DACH2: variants seen among roughly 807,000 people sequenced by gnomAD.
The protein encoded by DACH2 is dachshund homolog 2.
Under a neutral mutation model 35.8 loss-of-function variants are expected in DACH2, and 17 were observed. The observed-to-expected ratio is 0.48, with a 90% CI of 0.33 to 0.71. The LOEUF (loss-of-function observed/expected upper bound fraction) is 0.71, where lower values mean the gene tolerates loss of function less well. Among genes scored for constraint, DACH2 ranks in the 30% least tolerant of loss-of-function variants. The pLI is 0.02. For synonymous variants in DACH2, 195 were observed against 177.3 expected, an observed-to-expected ratio of 1.10 and a Z score of -0.79; for missense variants, 469 against 472.7, an observed-to-expected ratio of 0.99 and a Z score of 0.07.
intron 3 of DACH2, among the ~76,000 whole-genome samples, chrX:86,591,324 T>C (rs1602677278): frequency 9.0e-6 from 1 of 111,637 alleles, no homozygotes; most frequent in Middle Eastern, 4.6e-3. Flanking sequence ...TTATAATCCT[T>C]TGGGTATACA....
At chrX:86,489,473 A>T (rs1277961125) in intron 2 of DACH2, among the ~76,000 whole-genome samples, 1 of 111,239 alleles carries the variant, frequency 9.0e-6, no homozygotes, top group Non-Finnish European at 1.9e-5. Flanking sequence ...CAACATGGTA[A>T]CTATAATAAT....
At chrX:86,641,320 C>T (rs7066043) in intron 3 of DACH2, among the ~76,000 whole-genome samples, 13,931 of 111,447 alleles carry the variant, frequency 0.13, 752 homozygotes, top group East Asian at 0.32. Context: ...TCACAAGTGT[C>T]AGCAGCAGAA....
At chrX:86,819,108 G>A (rs1340622918) in intron 11 of DACH2, among the ~76,000 whole-genome samples, 1 of 107,354 alleles carries the variant, frequency 9.3e-6, no homozygotes, top group African/African-American at 3.4e-5. Flanking sequence ...TGTCTTTTAT[G>A]CTTTGAATGT....
intron 2 of DACH2, among the ~76,000 whole-genome samples, chrX:86,451,150 G>A (rs1252545767): frequency 2.7e-5 from 3 of 111,397 alleles, no homozygotes; most frequent in Non-Finnish European, 5.7e-5. Flanking sequence ...CCGTGCCTAT[G>A]TTGTGAATAT....
At chrX:86,777,357 AT>A (rs1367552701) in intron 7 of DACH2, among the ~76,000 whole-genome samples, 1 of 110,992 alleles carries the variant, frequency 9.0e-6, no homozygotes, top group Non-Finnish European at 1.9e-5. Context: ...GCATTTTTTC[AT>A]GTATCTGTTG....
At chrX:86,483,358 G>A (rs893346888) in intron 2 of DACH2, among the ~76,000 whole-genome samples, 2 of 110,691 alleles carry the variant, frequency 1.8e-5, no homozygotes, top group East Asian at 2.8e-4. Context: ...TATATCATTC[G>A]AATTGCCTCT....
intron 1 of DACH2, among the ~76,000 whole-genome samples, chrX:86,370,216 C>T (rs974206500): frequency 1.8e-5 from 2 of 111,236 alleles, no homozygotes; most frequent in Admixed American, 9.6e-5. Flanking sequence ...TTTTAATGAG[C>T]AATTCAGGGT....
chrX:86,350,071 G>C (rs2148071177), intron 1 of DACH2, among the ~76,000 whole-genome samples: 1 of 111,896 alleles, frequency 8.9e-6, no homozygotes, highest in African/African-American at 3.2e-5. Context: ...AGGAGGCTGA[G>C]GCAGGAGAAT....
At chrX:86,490,879 A>T (rs1450716198) in intron 2 of DACH2, among the ~76,000 whole-genome samples, 1 of 111,317 alleles carries the variant, frequency 9.0e-6, no homozygotes. Context: ...GAACAAAGTC[A>T]TGCAGTAAAC....
At chrX:86,667,376 GGA>G (rs1250014012) in intron 4 of DACH2, among the ~76,000 whole-genome samples, 3 of 90,247 alleles carry the variant, frequency 3.3e-5, no homozygotes, top group African/African-American at 1.2e-4. Flanking sequence ...AAGGGAGGGA[GGA>G]AGGAAGGAAG....
chrX:86,464,356 C>T lies in DACH2; in HGVS notation c.528-49923C>T, dbSNP rs772845252. Among the ~76,000 whole-genome samples, 31 of 111,019 alleles carry T rather than the reference C, an allele frequency of 2.8e-4. 1 individual carries two copies. In the South Asian group the frequency reaches 9.5e-3, roughly 34 times the overall value. ...TATGCAGCCATAAAAAGAATGAGTTCATGTCCTTTGCAGGGACATGGATGA... is the reference window on the plus strand; with the variant it reads ...TATGCAGCCATAAAAAGAATGAGTTTATGTCCTTTGCAGGGACATGGATGA... On this transcript the variant is annotated intron_variant, in intron 2 of 11. Coordinates refer to ENST00000373125, the MANE Select transcript of DACH2 (RefSeq NM_053281.3).
intron 1 of DACH2, among the ~76,000 whole-genome samples, chrX:86,230,729 A>G (rs2032930779): frequency 9.0e-6 from 1 of 111,277 alleles, no homozygotes; most frequent in Admixed American, 9.6e-5. Flanking sequence ...TGTTTTTTCC[A>G]GGAATTTATC....
intron 7 of DACH2, among the ~76,000 whole-genome samples, chrX:86,786,831 C>A (rs779144306): frequency 8.9e-6 from 1 of 111,932 alleles, no homozygotes; most frequent in Admixed American, 9.5e-5. Flanking sequence ...TGTCCCCACC[C>A]AGATCTCATC....
intron 7 of DACH2, among the ~76,000 whole-genome samples, chrX:86,765,287 A>G (rs1203391579): frequency 8.9e-6 from 1 of 111,736 alleles, no homozygotes; most frequent in Non-Finnish European, 1.9e-5. Context: ...GAACTTAGCC[A>G]TAAATTTTTT....
intron 3 of DACH2, among the ~76,000 whole-genome samples, chrX:86,521,324 C>G (rs1014229025): frequency 1.8e-5 from 2 of 111,469 alleles, no homozygotes; most frequent in Admixed American, 1.9e-4. Context: ...TTTCTAGCTG[C>G]CTTTACCATT....
chrX:86,450,096 C>T (rs192684369), intron 2 of DACH2, among the ~76,000 whole-genome samples: 44 of 110,727 alleles, frequency 4.0e-4, no homozygotes, highest in Non-Finnish European at 7.9e-4. Flanking sequence ...TTCTGGGGTA[C>T]GTGTGCAGGA....
chrX:86,740,452 AT>A (rs1417887548), intron 7 of DACH2, among the ~76,000 whole-genome samples: 1 of 105,055 alleles, frequency 9.5e-6, no homozygotes, highest in Non-Finnish European at 2.0e-5. Context: ...TGCTGCACCC[AT>A]TAACTCGTCA....
intron 7 of DACH2, among the ~76,000 whole-genome samples, chrX:86,807,365 G>A (rs981659848): frequency 9.0e-6 from 1 of 110,982 alleles, no homozygotes; most frequent in African/African-American, 3.3e-5. Context: ...ATTTATAACA[G>A]CCCTAAGAGG....
At chrX:86,659,365 C>A (rs114807806) in intron 4 of DACH2, among the ~76,000 whole-genome samples, 1 of 110,624 alleles carries the variant, frequency 9.0e-6, no homozygotes. Flanking sequence ...TTCCTAATAC[C>A]TCATCTAGTG....
Sources: allele counts gnomAD v4.1 joint callset (sites outside exome capture counted in the v4.1 genomes callset), GRCh38; gene constraint gnomAD v4.1.1; transcripts MANE v1.5; gene names NCBI Gene and HGNC (gene_info 2026-07-23, HGNC 2026-07-21).